Variants in ZIM3 observed in about 807,000 individuals in gnomAD.
ZIM3 encodes the protein zinc finger protein 657.
Under a neutral mutation model 12.9 loss-of-function variants are expected in ZIM3, and 11 were observed. The ratio of observed to expected loss-of-function variants is 0.85; its 90% confidence interval spans 0.54 to 1.41. The LOEUF is 1.41. Ranked by LOEUF, ZIM3 falls within the 40% of genes most tolerant of loss-of-function variation. The probability of loss-of-function intolerance (pLI) is 0.00; values close to 1 mark genes in which losing one functional copy is unlikely to be tolerated. For synonymous variants in ZIM3, 205 were observed against 198.5 expected (o/e 1.03, Z -0.28); for missense variants, 604 against 557.2 (o/e 1.08, Z -0.85).
At chr19:57,142,850 T>G (rs1024576464) in intron 1 of ZIM3, among the ~76,000 whole-genome samples, 165 bp from the exon 2 acceptor site, 33 of 151,928 alleles carry the variant, frequency 2.2e-4, no homozygotes, top group African/African-American at 4.6e-4. Context: ...CTTTTTTTTT[T>G]TTGTTTTGGT....
At position 57,134,956 on chromosome 19, in the gene ZIM3, A is replaced by C. The variant is rs148338317; in HGVS notation, c.1381T>G (p.Tyr461Asp). 42 of 1,613,958 alleles carry C rather than the reference A, an allele frequency of 2.6e-5. No homozygotes were observed. The African/African-American group carries it at 5.2e-4, about 20-fold the overall frequency. ...ECGKAFADRS[Y>D]LVRHQKRIHS... ...ATTCTTTTCTGGTGCCTAACAAGGTATGACCTGTCAGCGAAGGCTTTACCG... is the reference window on the plus strand; with the variant it reads ...ATTCTTTTCTGGTGCCTAACAAGGTCTGACCTGTCAGCGAAGGCTTTACCG... The change falls in exon 5 of 5, where the codon TAC (tyrosine) becomes GAC (aspartate). Residue 461 changes from tyrosine to aspartate, a missense_variant. By Grantham distance (160) the Tyr-to-Asp change is radical (BLOSUM62 -3). Transcript: ENST00000269834.
chr19:57,135,947 G>A lies in ZIM3; in HGVS notation c.390C>T (p.Gly130=). 1 of 1,614,094 alleles carries A rather than the reference G, an allele frequency of 6.2e-7. No homozygotes were observed. Among genetic ancestry groups the A allele is most frequent in the African/African-American group, 1.3e-5 (1 of 75,036 alleles). Residue 130 remains glycine (G), a synonymous_variant, in exon 5 of 5, where the codon GGC becomes GGT. Transcript: ENST00000269834. ...CDGSKKILPL[G]IDDVSSLQHY... is the part of the protein sequence containing the mutation. ...GTTGCAAGGAAGATACATCATCTAT[G>A]CCCAGTGGAAGTATTTTCTTAGATC...
intron 3 of ZIM3, among the ~76,000 whole-genome samples, chr19:57,138,053 A>AGGG (rs1196432056): frequency 1.4e-5 from 1 of 73,176 alleles, no homozygotes; most frequent in African/African-American, 6.6e-5. Context: ...GAAGGAAGGA[A>AGGG]AGAAGGAAGG....
chr19:57,140,672 A>C (rs901658649), intron 2 of ZIM3, among the ~76,000 whole-genome samples: 1 of 151,880 alleles, frequency 6.6e-6, no homozygotes, highest in Non-Finnish European at 1.5e-5. Flanking sequence ...GGGTCTCACT[A>C]TATTGTCCAG....
intron 2 of ZIM3, among the ~76,000 whole-genome samples, chr19:57,139,788 T>G (rs1208626796): frequency 6.6e-6 from 1 of 152,162 alleles, no homozygotes; most frequent in Non-Finnish European, 1.5e-5. Context: ...CAGCTACATC[T>G]AAACTGACTG....
At chr19:57,139,451 C>A (rs2086904181) in intron 2 of ZIM3, among the ~76,000 whole-genome samples, 1 of 151,910 alleles carries the variant, frequency 6.6e-6, no homozygotes, top group African/African-American at 2.4e-5. Context: ...AGAGGCCTGG[C>A]ATGGTGGCTC....
chr19:57,142,142 C>CTT (rs35172118), intron 2 of ZIM3, among the ~76,000 whole-genome samples: 2,055 of 112,370 alleles, frequency 0.018, 109 homozygotes, highest in African/African-American at 0.059. Context: ...CGTAACCAAG[C>CTT]TTTTTTTTTT....
At chr19:57,136,203 A>C in intron 4 of ZIM3, 108 bp from the exon 5 acceptor site, 3 of 1,061,726 alleles carry the variant, frequency 2.8e-6, no homozygotes, top group Non-Finnish European at 2.7e-6. Context: ...TTCAAACCTA[A>C]TGTCTACGAG....
chr19:57,142,699 G>A lies in ZIM3; in HGVS notation c.-42-14C>T. 1 of 1,593,410 alleles carries A rather than the reference G, an allele frequency of 6.3e-7. No individual in the cohort carries two copies. Among genetic ancestry groups the A allele is most frequent in the Non-Finnish European group, 8.6e-7 (1 of 1,163,704 alleles). Reference sequence around the variant, plus strand: ...GGGAAGGCAGATCTGAGGGAAAATGGAAAAGAACCATGAAATAGCAGAATT... The same window carrying A: ...GGGAAGGCAGATCTGAGGGAAAATGAAAAAGAACCATGAAATAGCAGAATT... On this transcript the variant is annotated splice_polypyrimidine_tract_variant and intron_variant, in intron 1 of 4. Coordinates refer to ENST00000269834, the MANE Select transcript of ZIM3 (RefSeq NM_052882.1).
At chr19:57,137,410 C>G (rs921294319) in intron 3 of ZIM3, among the ~76,000 whole-genome samples, 2 of 151,860 alleles carry the variant, frequency 1.3e-5, no homozygotes, top group African/African-American at 4.8e-5. Context: ...ATGGCTTGAG[C>G]CCAGGTCAAT....
intron 1 of ZIM3, among the ~76,000 whole-genome samples, chr19:57,144,153 G>A (rs2086927146): frequency 6.6e-6 from 1 of 152,132 alleles, no homozygotes; most frequent in Non-Finnish European, 1.5e-5. Context: ...CCTGGCTCAA[G>A]CAATCCTCCT....
chr19:57,143,896 G>C (rs957001130), intron 1 of ZIM3, among the ~76,000 whole-genome samples: 2 of 151,690 alleles, frequency 1.3e-5, no homozygotes, highest in Non-Finnish European at 1.5e-5. Flanking sequence ...GGCTGGTCTC[G>C]AGCTGCTGAT....
Position 57,135,376 on chromosome 19 carries a change from C to T in ZIM3, c.961G>A (p.Asp321Asn). Reference sequence around the variant, plus strand: ...TGTATTCTCTGGTGTTTCACAAGATCTGACTTGTAAATGAAAGCCTTTCCA... The same window carrying T: ...TGTATTCTCTGGTGTTTCACAAGATTTGACTTGTAAATGAAAGCCTTTCCA... Reference protein sequence around the residue: ...DCGKAFIYKSDLVKHQRIHTG... With the variant: ...DCGKAFIYKSNLVKHQRIHTG... The change falls in exon 5 of 5, where the codon GAT becomes AAT. Residue 321 changes from aspartate (D) to asparagine (N), a missense_variant. Physicochemically the swap from Asp to Asn is conservative, Grantham distance 23. Coordinates refer to ENST00000269834, the MANE Select transcript of ZIM3 (RefSeq NM_052882.1). 1 of 1,613,898 alleles carries T rather than the reference C, an allele frequency of 6.2e-7. No homozygotes were observed. The highest frequency in any genetic ancestry group is 2.2e-5 in the East Asian group (1 of 44,856).
chr19:57,141,948 A>G (rs1164320524), intron 2 of ZIM3, among the ~76,000 whole-genome samples: 1 of 151,768 alleles, frequency 6.6e-6, no homozygotes, highest in African/African-American at 2.4e-5. Flanking sequence ...ACACATTGTT[A>G]TATTTCTTCC....
At position 57,135,362 on chromosome 19, in the gene ZIM3, G is replaced by A. The variant is rs1233216476; in HGVS notation, c.975C>T (p.His325=). 1 of 1,613,784 alleles carries A rather than the reference G, an allele frequency of 6.2e-7. No homozygotes were observed. Among genetic ancestry groups the A allele is most frequent in the Non-Finnish European group, 8.5e-7 (1 of 1,179,908 alleles). ...GTTTCTCTCCCGTGTGTATTCTCTGGTGTTTCACAAGATCTGACTTGTAAA... is the reference window on the plus strand; with the variant it reads ...GTTTCTCTCCCGTGTGTATTCTCTGATGTTTCACAAGATCTGACTTGTAAA... ...AFIYKSDLVK[H]QRIHTGEKPY... Residue 325 remains histidine, a synonymous_variant, in exon 5 of 5, where the codon CAC becomes CAT. Coordinates refer to ENST00000269834, the MANE Select transcript of ZIM3 (RefSeq NM_052882.1).
Position 57,135,264 on chromosome 19 carries a change from G to T in ZIM3, c.1073C>A (p.Thr358Asn). ...SNVIDHEKIH[T>N]GKRAYECDLC... ...ATCACACTCATAAGCTCTCTTCCCA[G>T]TGTGAATTTTCTCATGATCGATGAC... Residue 358 changes from threonine to asparagine, a missense_variant, in exon 5 of 5, where the codon ACT becomes AAT. By Grantham distance (65) the Thr-to-Asn change is moderately conservative. Transcript: ENST00000269834. 6.2e-7 allele frequency: 1 copy of T among 1,614,038 alleles called. No individual in the cohort carries two copies. Among genetic ancestry groups the T allele is most frequent in the Non-Finnish European group, 8.5e-7 (1 of 1,180,002 alleles).
rs375178643 is a variant in ZIM3 at position 57,135,898 on chromosome 19, C to T, written c.439G>A (p.Asp147Asn). Reference sequence around the variant, plus strand: ...ACTAATTTTCTGTATCCATTATCATCGTGAGAATTATTTTGTACATAGTGT... The same window carrying T: ...ACTAATTTTCTGTATCCATTATCATTGTGAGAATTATTTTGTACATAGTGT... ...LQHYVQNNSH[D>N]DNGYRKLVGN... Residue 147 changes from aspartate (D) to asparagine (N), a missense_variant, in exon 5 of 5, where the codon GAT (aspartate) becomes AAT (asparagine). Physicochemically the swap from Asp to Asn is conservative, Grantham distance 23 (BLOSUM62 1). Coordinates refer to ENST00000269834, the MANE Select transcript of ZIM3 (RefSeq NM_052882.1). The T allele has an allele frequency of 1.9e-5, 30 of 1,613,960 alleles. No individual in the cohort carries two copies. The highest frequency in any genetic ancestry group is 3.3e-5 in the Admixed American group (2 of 59,976).
intron 2 of ZIM3, among the ~76,000 whole-genome samples, chr19:57,140,718 T>C (rs116167615): frequency 0.021 from 3,180 of 151,828 alleles, 104 homozygotes; most frequent in African/African-American, 0.072. Flanking sequence ...GTGGTCTTCC[T>C]GCCTTCGCCT....
intron 1 of ZIM3, among the ~76,000 whole-genome samples, chr19:57,143,143 C>T (rs574362844): frequency 6.6e-6 from 1 of 152,098 alleles, no homozygotes; most frequent in South Asian, 2.1e-4. Context: ...CTGGCCAACA[C>T]GGTGAAACCC....
Sources: gnomAD v4.1 joint callset for allele counts (sites outside exome capture counted in the v4.1 genomes callset) on GRCh38, gnomAD v4.1.1 for gene constraint, MANE v1.5 for transcripts, NCBI Gene and HGNC (gene_info 2026-07-23, HGNC 2026-07-21) for gene names.